Variants in CACNB2 observed in about 807,000 individuals in gnomAD.
The protein encoded by CACNB2 is voltage-dependent L-type calcium channel subunit beta-2.
CACNB2 carries 42 observed loss-of-function variants against 73.3 expected under a neutral mutation model. That is an observed-to-expected ratio of 0.57 (90% CI 0.45 to 0.74). The LOEUF (loss-of-function observed/expected upper bound fraction) is 0.74. Among genes scored for constraint, CACNB2 ranks in the 30% least tolerant of loss-of-function variants. The probability of loss-of-function intolerance (pLI) is 0.00; values close to 1 mark genes in which losing one functional copy is unlikely to be tolerated. For synonymous variants in CACNB2, 348 were observed against 310.3 expected (o/e 1.12, Z -1.28); for missense variants, 940 against 853.0 (o/e 1.10, Z -1.27).
At chr10:18,458,258 G>C (rs1196107902) in intron 3 of CACNB2, among the ~76,000 whole-genome samples, 1 of 152,128 alleles carries the variant, frequency 6.6e-6, no homozygotes, top group Non-Finnish European at 1.5e-5. Context: ...GATAAAAATA[G>C]TGAGATTCAA....
rs552975178 is a variant in CACNB2 at position 18,335,560 on chromosome 10, G to A, written c.214-66364G>A. Among the ~76,000 whole-genome samples, 211 of 152,218 alleles carry A rather than the reference G, an allele frequency of 1.4e-3. 2 individuals carry two copies. The highest frequency in any genetic ancestry group is 5.0e-4 in the Non-Finnish European group (34 of 68,018). The stretch of plus-strand genomic sequence containing the variant: ...ATTGAGCCAAGACGCTCTCCAGCCT[G>A]GGCAACAGAGCGAGACTCTGTCTCA... On this transcript the variant is annotated intron_variant, in intron 2 of 13. Transcript: ENST00000324631.
At chr10:18,383,970 T>C (rs2043122292) in intron 2 of CACNB2, among the ~76,000 whole-genome samples, 2 of 152,012 alleles carry the variant, frequency 1.3e-5, no homozygotes, top group Non-Finnish European at 1.5e-5. Context: ...CCTCCCAAAG[T>C]GCTGGGATTA....
chr10:18,222,676 C>G (rs2035840184), intron 2 of CACNB2, among the ~76,000 whole-genome samples: 2 of 152,192 alleles, frequency 1.3e-5, no homozygotes, highest in Admixed American at 1.3e-4. Flanking sequence ...GTGGCTAATG[C>G]CTGTAATCCC....
At chr10:18,428,483 T>C (rs1302416454) in intron 3 of CACNB2, among the ~76,000 whole-genome samples, 1 of 152,094 alleles carries the variant, frequency 6.6e-6, no homozygotes, top group Non-Finnish European at 1.5e-5. Flanking sequence ...GGCCTGGAGG[T>C]TGAGACCAGC....
chr10:18,203,597 T>G (rs2034974853), intron 2 of CACNB2, among the ~76,000 whole-genome samples: 1 of 152,194 alleles, frequency 6.6e-6, no homozygotes, highest in Admixed American at 6.5e-5. Context: ...CACACGTACA[T>G]ACATATGTAT....
At position 18,401,970 on chromosome 10, in the gene CACNB2, C is replaced by T; in HGVS notation, c.260C>T (p.Ser87Phe). 6.2e-7 allele frequency: 1 copy of T among 1,613,994 alleles called. No individual in the cohort carries two copies. The highest frequency in any genetic ancestry group is 8.5e-7 in the Non-Finnish European group (1 of 1,179,866). The change falls in exon 3 of 14, where the codon TCT becomes TTT. Residue 87 changes from serine (S) to phenylalanine (F), a missense_variant. By Grantham distance (155) the Ser-to-Phe change is radical. Coordinates refer to ENST00000324631, the MANE Select transcript of CACNB2 (RefSeq NM_201596.3). ...YTSRPSDSDVSLEEDREAVRR... is the reference protein window; with the variant it reads ...YTSRPSDSDVFLEEDREAVRR... ...AGCCGTCCATCCGATTCCGATGTAT[C>T]TCTGGAGGAGGACCGGGAGGCAGTG...
At chr10:18,342,344 G>A (rs565210651) in intron 2 of CACNB2, among the ~76,000 whole-genome samples, 16 of 152,046 alleles carry the variant, frequency 1.1e-4, no homozygotes, top group Non-Finnish European at 2.1e-4. Flanking sequence ...AAATAGTCAC[G>A]AGGCCAGGTA....
chr10:18,379,901 G>T (rs1298571280), intron 2 of CACNB2, among the ~76,000 whole-genome samples: 1 of 152,078 alleles, frequency 6.6e-6, no homozygotes, highest in South Asian at 2.1e-4. Flanking sequence ...TACACAGGCT[G>T]GTCTCAGACT....
chr10:18,414,966 C>A (rs997264), intron 3 of CACNB2, among the ~76,000 whole-genome samples: 135,163 of 152,232 alleles, frequency 0.89, 60,321 homozygotes, highest in African/African-American at 0.96. Context: ...TCAATGGCTA[C>A]ATAAAAGATG....
intron 2 of CACNB2, among the ~76,000 whole-genome samples, chr10:18,292,971 A>G (rs1481167112): frequency 1.3e-5 from 2 of 152,210 alleles, no homozygotes; most frequent in Non-Finnish European, 2.9e-5. Context: ...TGTAGGAAAA[A>G]TAAATAATTC....
At chr10:18,209,457 G>A (rs922181596) in intron 2 of CACNB2, among the ~76,000 whole-genome samples, 5 of 152,090 alleles carry the variant, frequency 3.3e-5, no homozygotes, top group Admixed American at 1.3e-4. Flanking sequence ...GATGTTTCCA[G>A]CTTGCTTTTT....
chr10:18,230,398 T>C lies in CACNB2; in HGVS notation c.213+79423T>C, dbSNP rs115594850. Reference sequence around the variant, plus strand: ...CCTCGATCTTTTTTTTGTACTGTTATTAAACACATGAATATAAATTCATAT... The same window carrying C: ...CCTCGATCTTTTTTTTGTACTGTTACTAAACACATGAATATAAATTCATAT... On this transcript the variant is annotated intron_variant, in intron 2 of 13. Transcript: ENST00000324631. Among the ~76,000 whole-genome samples the C allele has an allele frequency of 7.7e-3, 1,171 of 152,290 alleles. 15 individuals carry two copies. Among genetic ancestry groups the C allele is most frequent in the African/African-American group, 0.027 (1,109 of 41,558 alleles).
chr10:18,405,437 G>T (rs1424867486), intron 3 of CACNB2, among the ~76,000 whole-genome samples: 1 of 152,192 alleles, frequency 6.6e-6, no homozygotes, highest in Non-Finnish European at 1.5e-5. Context: ...TGTGCGTAAT[G>T]CTGTTACGAA....
chr10:18,420,617 T>A (rs2045267554), intron 3 of CACNB2, among the ~76,000 whole-genome samples: 1 of 152,190 alleles, frequency 6.6e-6, no homozygotes, highest in South Asian at 2.1e-4. Context: ...GAGAAGGCAG[T>A]CAACTTACTC....
At chr10:18,303,329 G>A (rs1252855114) in intron 2 of CACNB2, among the ~76,000 whole-genome samples, 2 of 152,090 alleles carry the variant, frequency 1.3e-5, no homozygotes, top group South Asian at 2.1e-4. Flanking sequence ...ATAGTAAGAC[G>A]TCATCTCTGC....
intron 2 of CACNB2, among the ~76,000 whole-genome samples, chr10:18,360,358 G>T (rs1250906604): frequency 6.6e-6 from 1 of 152,172 alleles, no homozygotes; most frequent in Non-Finnish European, 1.5e-5. Context: ...CTCCTGAGTA[G>T]CTGGGACTAC....
chr10:18,514,395 T>C (rs1310870300), intron 7 of CACNB2, 26 bp downstream of exon 7: 4 of 1,613,986 alleles, frequency 2.5e-6, no homozygotes, highest in Admixed American at 3.3e-5. Context: ...AAGCTCCCAT[T>C]GTCCACCTGC....
intron 2 of CACNB2, among the ~76,000 whole-genome samples, chr10:18,217,813 G>A (rs562576833): frequency 4.6e-5 from 7 of 152,028 alleles, no homozygotes; most frequent in East Asian, 2.0e-4. Context: ...GGAGAGGTGG[G>A]AAGGGGAACC....
chr10:18,376,423 T>A (rs1489402820), intron 2 of CACNB2, among the ~76,000 whole-genome samples: 1 of 152,084 alleles, frequency 6.6e-6, no homozygotes, highest in Non-Finnish European at 1.5e-5. Context: ...TTAGAATGAA[T>A]AACACCTAGT....
Sources: gnomAD v4.1 joint callset for allele counts (sites outside exome capture counted in the v4.1 genomes callset) on GRCh38, gnomAD v4.1.1 for gene constraint, MANE v1.5 for transcripts, NCBI Gene and HGNC (gene_info 2026-07-23, HGNC 2026-07-21) for gene names.